SYNCRIP: variants seen among roughly 807,000 people sequenced by gnomAD.
The protein encoded by SYNCRIP is heterogeneous nuclear ribonucleoprotein Q.
In SYNCRIP, 9 loss-of-function variants were observed where a neutral mutation model predicts 68.9. The observed-to-expected ratio is 0.13, with a 90% CI of 0.08 to 0.23. SYNCRIP has a LOEUF of 0.23. SYNCRIP is among the 10% of genes least tolerant of loss of function. The probability of loss-of-function intolerance (pLI) is 1.00; values close to 1 mark genes in which losing one functional copy is unlikely to be tolerated. For synonymous variants in SYNCRIP, 258 were observed against 254.0 expected (o/e 1.02, Z -0.15); for missense variants, 414 against 770.6 (o/e 0.54, Z 5.48).
chr6:85,623,537 C>A (rs1806656476), intron 7 of SYNCRIP, among the ~76,000 whole-genome samples: 1 of 106,860 alleles, frequency 9.4e-6, no homozygotes, highest in Non-Finnish European at 1.8e-5. Context: ...ACACTCCAGC[C>A]TGGGCAACAA....
intron 8 of SYNCRIP, among the ~76,000 whole-genome samples, chr6:85,620,516 G>A (rs1354397194): frequency 6.6e-6 from 1 of 152,190 alleles, no homozygotes; most frequent in Non-Finnish European, 1.5e-5. Context: ...GGGGAGGGAT[G>A]ACTAAGCACA....
intron 6 of SYNCRIP, among the ~76,000 whole-genome samples, chr6:85,630,915 G>A (rs1328545906): frequency 6.6e-6 from 1 of 152,146 alleles, no homozygotes; most frequent in Non-Finnish European, 1.5e-5. Context: ...ATCATTCTTA[G>A]AATACTGTCA....
Position 85,640,432 on chromosome 6 carries a change from G to GAC in SYNCRIP, c.267+12_267+13dup. 2 of 1,589,580 alleles carry GAC rather than the reference G, an allele frequency of 1.3e-6. No individual in the cohort carries two copies. The highest frequency in any genetic ancestry group is 1.7e-6 in the Non-Finnish European group (2 of 1,164,758). ...ACTCAAATTTTTTAATTTTCACATT[G>GAC]ACATTAACATTACCTGAACATGAGA... is the stretch of plus-strand genomic sequence containing the variant. On this transcript the variant is annotated intron_variant, in intron 3 of 10. Transcript: ENST00000369622.
At chr6:85,627,344 A>G (rs572156673) in intron 6 of SYNCRIP, among the ~76,000 whole-genome samples, 2 of 152,224 alleles carry the variant, frequency 1.3e-5, no homozygotes, top group Admixed American at 1.3e-4. Flanking sequence ...TCCAATGAAA[A>G]TAAGTCATTA....
intron 8 of SYNCRIP, among the ~76,000 whole-genome samples, chr6:85,621,607 T>TAAAAAAAA (rs34749230): frequency 8.0e-6 from 1 of 124,800 alleles, no homozygotes; most frequent in Non-Finnish European, 1.7e-5. Context: ...CCCTGTCACT[T>TAAAAAAAA]AAAAAAAAAA....
intron 6 of SYNCRIP, among the ~76,000 whole-genome samples, chr6:85,634,770 C>T (rs1480465538): frequency 6.6e-6 from 1 of 152,162 alleles, no homozygotes; most frequent in African/African-American, 2.4e-5. Flanking sequence ...AAATATTCTA[C>T]TCTTTTATAG....
intron 6 of SYNCRIP, among the ~76,000 whole-genome samples, chr6:85,629,990 A>G (rs1295365648): frequency 6.6e-6 from 1 of 151,972 alleles, no homozygotes; most frequent in Non-Finnish European, 1.5e-5. Context: ...TCAAAAAAAA[A>G]AAAAAGCTGT....
intron 6 of SYNCRIP, among the ~76,000 whole-genome samples, chr6:85,634,296 T>C (rs1808181458): frequency 6.6e-6 from 1 of 152,238 alleles, no homozygotes; most frequent in Non-Finnish European, 1.5e-5. Flanking sequence ...GTATCTTTAC[T>C]GTAAAGTTTC....
At chr6:85,620,947 A>G (rs1806312352) in intron 8 of SYNCRIP, among the ~76,000 whole-genome samples, 1 of 152,246 alleles carries the variant, frequency 6.6e-6, no homozygotes, top group Non-Finnish European at 1.5e-5. Flanking sequence ...ACTTAACAAG[A>G]GTGGCCAAAA....
rs1245234859 is a variant in SYNCRIP, at chr6:85,623,567, A to C, written c.802+410T>G. On this transcript the variant is annotated intron_variant, in intron 7 of 10. Transcript: ENST00000369622. ...CAACAAAGCAAGACTGTCTCCAAAAAAAAAAAAAAAAAAAAACACTCTGCT... is the reference window on the plus strand; with the variant it reads ...CAACAAAGCAAGACTGTCTCCAAAACAAAAAAAAAAAAAAAACACTCTGCT... Among the ~76,000 whole-genome samples the C allele has an allele frequency of 2.0e-5, 3 of 147,964 alleles. No individual in the cohort carries two copies. In the East Asian group the frequency reaches 6.0e-4, roughly 29 times the overall value.
downstream of SYNCRIP, chr6:85,613,951 C>T: frequency 1.0e-6 from 1 of 977,352 alleles, no homozygotes; most frequent in Non-Finnish European, 1.2e-6. Flanking sequence ...CAATTAAGAA[C>T]TCTAAAATAC....
chr6:85,634,294 A>T (rs1238265078), intron 6 of SYNCRIP, among the ~76,000 whole-genome samples: 1 of 152,236 alleles, frequency 6.6e-6, no homozygotes, highest in Non-Finnish European at 1.5e-5. Flanking sequence ...ATGTATCTTT[A>T]CTGTAAAGTT....
chr6:85,614,575 A>G lies in SYNCRIP; in HGVS notation c.*181T>C, dbSNP rs1282060455. The G allele has an allele frequency of 7.8e-7, 1 of 1,289,628 alleles. No individual in the cohort carries two copies. 79.9% of individuals were successfully genotyped at this position (1,289,628 alleles called of 1,614,324 possible). A position where few individuals can be genotyped will look rare whatever the true frequency, so the allele number is the denominator to read the frequency against. ...ATCTTTATTGAAAAAAATTAAAAAT[A>G]AAATCAGTTCGCCAGAAGCAGTTAG... On this transcript the variant is annotated 3_prime_UTR_variant, in exon 11 of 11. Transcript: ENST00000369622.
At chr6:85,639,004 T>C (rs541040362) in intron 4 of SYNCRIP, among the ~76,000 whole-genome samples, 7 of 152,132 alleles carry the variant, frequency 4.6e-5, no homozygotes, top group Non-Finnish European at 8.8e-5. Flanking sequence ...GGTCAAGAGA[T>C]TGAGACCATC....
In SYNCRIP at chr6:85,615,294, C is replaced by T; in HGVS notation, c.1334G>A (p.Gly445Asp). Residue 445 changes from glycine to aspartate, a missense_variant, in exon 11 of 11, where the codon GGT becomes GAT. This residue lies in a region of SYNCRIP where 72 missense variants were observed against 119.8 expected (regional missense o/e 0.60). Coordinates refer to ENST00000369622, the MANE Select transcript of SYNCRIP (RefSeq NM_006372.5). ...ACCACCTCTACCTCCACGCCCTCGA[C>T]CTCTTGTTGGAGGGGGCATATGAGG... ...GPPHMPPPTRGRGRGGRGGYG... is the reference protein window; with the variant it reads ...GPPHMPPPTRDRGRGGRGGYG... 1 of 1,577,628 alleles carries T rather than the reference C, an allele frequency of 6.3e-7. No homozygotes were observed. The highest frequency in any genetic ancestry group is 8.6e-7 in the Non-Finnish European group (1 of 1,157,044).
At position 85,614,625 on chromosome 6, in the gene SYNCRIP, G is replaced by A; in HGVS notation, c.*131C>T. On this transcript the variant is annotated 3_prime_UTR_variant, in exon 11 of 11. Transcript: ENST00000369622. The stretch of plus-strand genomic sequence containing the variant: ...GAAGTGTGGCTTTGTTCGTGTCCAA[G>A]CGGATTGTTAAAATATATACATAAA... The A allele has an allele frequency of 7.4e-7, 1 of 1,342,684 alleles. No individual in the cohort carries two copies. Among genetic ancestry groups the A allele is most frequent in the Non-Finnish European group, 9.6e-7 (1 of 1,046,592 alleles). The allele number at this position is 1,342,684 out of a possible 1,614,324, so 83.2% of individuals were successfully genotyped here. A position where few individuals can be genotyped will look rare whatever the true frequency, so the allele number is the denominator to read the frequency against.
chr6:85,619,660 A>G (rs1806168031), intron 8 of SYNCRIP, among the ~76,000 whole-genome samples: 1 of 152,232 alleles, frequency 6.6e-6, no homozygotes, highest in African/African-American at 2.4e-5. Flanking sequence ...AATCTCATGA[A>G]GATGCTCAAT....
At chr6:85,625,359 A>G (rs1388016599) in intron 6 of SYNCRIP, among the ~76,000 whole-genome samples, 2 of 151,214 alleles carry the variant, frequency 1.3e-5, no homozygotes, top group South Asian at 2.1e-4. Flanking sequence ...ACCTTTTTAT[A>G]TCAACTCTTA....
chr6:85,622,167 T>C (rs1806488904), intron 8 of SYNCRIP, among the ~76,000 whole-genome samples: 1 of 151,684 alleles, frequency 6.6e-6, no homozygotes, highest in Non-Finnish European at 1.5e-5. Flanking sequence ...AGGTCAGGAG[T>C]TCGAGACCAG....
Sources: gnomAD v4.1 joint callset for allele counts (sites outside exome capture counted in the v4.1 genomes callset) on GRCh38, gnomAD v4.1.1 for gene constraint, gnomAD v4.1.1 regional missense constraint, MANE v1.5 for transcripts, NCBI Gene and HGNC (gene_info 2026-07-23, HGNC 2026-07-21) for gene names.